Variants in RAPGEF1 observed in about 807,000 individuals in gnomAD.
RAPGEF1 encodes the protein Rap guanine nucleotide exchange factor 1.
Under a neutral mutation model 143.3 loss-of-function variants are expected in RAPGEF1, and 33 were observed. The ratio of observed to expected loss-of-function variants is 0.23; its 90% CI spans 0.17 to 0.31. The LOEUF (loss-of-function observed/expected upper bound fraction) is 0.31. Ranked by LOEUF, RAPGEF1 falls within the 10% of genes least tolerant of loss-of-function variation. The pLI is 1.00. For synonymous variants in RAPGEF1, 629 were observed against 676.5 expected, an observed-to-expected ratio of 0.93 and a Z score of 1.09; for missense variants, 1,199 against 1,645.4, an observed-to-expected ratio of 0.73 and a Z score of 4.69.
At chr9:131,625,627 G>T (rs1055756176) in intron 10 of RAPGEF1, among the ~76,000 whole-genome samples, 5 of 152,196 alleles carry the variant, frequency 3.3e-5, no homozygotes, top group African/African-American at 9.7e-5. Flanking sequence ...CTGTCACTGT[G>T]ATCAGGCCAG....
rs754241361 is a variant in RAPGEF1 at position 131,667,959 on chromosome 9, C to T, written c.62-17010G>A. Among the ~76,000 whole-genome samples the T allele has an allele frequency of 1.4e-4, 22 of 152,264 alleles. No individual in the cohort carries two copies. The Middle Eastern group carries it at 0.01, about 71-fold the overall frequency. On this transcript the variant is annotated intron_variant, in intron 1 of 26. Transcript: ENST00000683357. This position sits in a 1 kb window ranked among gnomAD's most constrained non-coding sequence, Gnocchi z 4.6. ...TAAATGTCATCTGTGGCCACCAGAC[C>T]GTTCAAAAATATACTCCTTTTTGGG...
Position 131,578,243 on chromosome 9 carries a change from C to T in RAPGEF1, c.*1254G>A, listed in dbSNP as rs962593061. On this transcript the variant is annotated 3_prime_UTR_variant, in exon 27 of 27. Coordinates refer to ENST00000683357, the MANE Select transcript of RAPGEF1 (RefSeq NM_001377935.1). ...TTGTCAAGCGCCCCACAAGCCTTGC[C>T]CAGATTGTCAAGCTCAGCAGCGAGA... 1 of 152,318 alleles carries T rather than the reference C, an allele frequency of 6.6e-6. No homozygotes were observed. The highest frequency in any genetic ancestry group is 2.4e-5 in the African/African-American group (1 of 41,462). 9.4% of individuals were successfully genotyped at this position (152,318 alleles called of 1,614,324 possible). A position where few individuals can be genotyped will look rare whatever the true frequency, so the allele number is the denominator to read the frequency against.
intron 1 of RAPGEF1, among the ~76,000 whole-genome samples, chr9:131,693,232 G>C (rs540058154): frequency 6.6e-6 from 1 of 152,126 alleles, no homozygotes; most frequent in Non-Finnish European, 1.5e-5. Context: ...TAATGATGAC[G>C]GAGTAGTGCT....
At chr9:131,728,244 G>C (rs1012780035) in intron 1 of RAPGEF1, among the ~76,000 whole-genome samples, 3 of 152,180 alleles carry the variant, frequency 2.0e-5, no homozygotes, top group Non-Finnish European at 4.4e-5. Flanking sequence ...AATGCAACTT[G>C]TAAGTTACTT....
intron 4 of RAPGEF1, among the ~76,000 whole-genome samples, chr9:131,642,121 T>A (rs534447162): frequency 1.3e-5 from 2 of 152,318 alleles, no homozygotes; most frequent in Admixed American, 1.3e-4. Context: ...TCATTTCAGA[T>A]TACATTTGGT....
intron 3 of RAPGEF1, among the ~76,000 whole-genome samples, chr9:131,647,368 C>G (rs1333140607): frequency 6.6e-6 from 1 of 152,196 alleles, no homozygotes; most frequent in Admixed American, 6.5e-5. Flanking sequence ...GTAAATAAGA[C>G]AGCATGTCTG....
intron 10 of RAPGEF1, among the ~76,000 whole-genome samples, chr9:131,622,645 T>G (rs886758990): frequency 6.6e-6 from 1 of 152,226 alleles, no homozygotes; most frequent in Non-Finnish European, 1.5e-5. Context: ...AATTTCTTAC[T>G]AGCTCCAACA....
intron 19 of RAPGEF1, among the ~76,000 whole-genome samples, chr9:131,589,469 C>T (rs1008453577): frequency 6.6e-5 from 10 of 152,242 alleles, no homozygotes; most frequent in African/African-American, 1.4e-4. Context: ...GATTTGTTAG[C>T]GGAACGGATA....
intron 1 of RAPGEF1, among the ~76,000 whole-genome samples, chr9:131,694,378 C>T (rs1476615720): frequency 6.6e-6 from 1 of 152,196 alleles, no homozygotes; most frequent in Non-Finnish European, 1.5e-5. Flanking sequence ...AGCTGAAGAG[C>T]TGAACAAATA....
Position 131,605,172 on chromosome 9 carries a change from C to G in RAPGEF1, c.2078G>C (p.Arg693Thr). ...AGGCACGAAATCCTGGGAGTAGGAC[C>G]TAAACACAGACTTATACTACAGAAT... ...LPVPSYKSVF[R>T]SYSQDFVPHH... The change falls in exon 13 of 27, where the codon AGG becomes ACG. Residue 693 changes from arginine to threonine, a missense_variant. Around this residue, in one of 6 missense-constraint regions of RAPGEF1, gnomAD observed 293 missense variants for 356.2 expected, o/e 0.82. Coordinates refer to ENST00000683357, the MANE Select transcript of RAPGEF1 (RefSeq NM_001377935.1). 1 of 1,354,592 alleles carries G rather than the reference C, an allele frequency of 7.4e-7. No individual in the cohort carries two copies. The highest frequency in any genetic ancestry group is 9.9e-7 in the Non-Finnish European group (1 of 1,015,130). 83.9% of individuals were successfully genotyped at this position (1,354,592 alleles called of 1,614,324 possible).
At chr9:131,618,692 G>A (rs1018792849) in intron 12 of RAPGEF1, among the ~76,000 whole-genome samples, 1 of 152,150 alleles carries the variant, frequency 6.6e-6, no homozygotes, top group Non-Finnish European at 1.5e-5. Context: ...GGGACTACAG[G>A]TGAGTGACAC....
At chr9:131,600,893 C>T (rs1207287645) in intron 15 of RAPGEF1, among the ~76,000 whole-genome samples, 5 of 152,144 alleles carry the variant, frequency 3.3e-5, no homozygotes, top group East Asian at 1.9e-4. Flanking sequence ...TCATGGCTCA[C>T]GCCTGTAATC....
At chr9:131,678,994 GAGC>G (rs1419397256) in intron 1 of RAPGEF1, among the ~76,000 whole-genome samples, 1 of 152,170 alleles carries the variant, frequency 6.6e-6, no homozygotes, top group East Asian at 1.9e-4. Context: ...AGGCCAGCAG[GAGC>G]AGGACAGATT....
intron 12 of RAPGEF1, among the ~76,000 whole-genome samples, chr9:131,617,691 C>T (rs1564536421): frequency 6.6e-6 from 1 of 152,314 alleles, no homozygotes; most frequent in East Asian, 1.9e-4. Context: ...AAGCTTACTA[C>T]ATACCTAGAC....
chr9:131,719,949 G>A (rs1054457574), intron 1 of RAPGEF1, among the ~76,000 whole-genome samples: 2 of 148,894 alleles, frequency 1.3e-5, no homozygotes, highest in African/African-American at 2.5e-5. Context: ...ACAGTGGCAC[G>A]ATCTCAGCTC....
chr9:131,601,698 G>C (rs1956301608), intron 15 of RAPGEF1, among the ~76,000 whole-genome samples: 1 of 152,152 alleles, frequency 6.6e-6, no homozygotes, highest in African/African-American at 2.4e-5. Flanking sequence ...TTGAAGCCAG[G>C]AGTTAGTGAC....
intron 1 of RAPGEF1, among the ~76,000 whole-genome samples, chr9:131,673,840 C>T (rs1373177249): frequency 2.0e-5 from 3 of 152,224 alleles, no homozygotes; most frequent in Admixed American, 6.5e-5. Flanking sequence ...CCATCATGTA[C>T]TCATCGTGGC....
intron 1 of RAPGEF1, among the ~76,000 whole-genome samples, chr9:131,654,121 A>G (rs1004973196): frequency 3.3e-5 from 5 of 152,162 alleles, no homozygotes; most frequent in African/African-American, 1.2e-4. Flanking sequence ...CTAAGACTGG[A>G]CGGGGCAGAG....
At chr9:131,729,416 G>T (rs550012355) in intron 1 of RAPGEF1, among the ~76,000 whole-genome samples, 1 of 152,332 alleles carries the variant, frequency 6.6e-6, no homozygotes, top group Non-Finnish European at 1.5e-5. Flanking sequence ...TCTGTGAAAG[G>T]TTTCTCCAAA....
Sources: allele counts gnomAD v4.1 joint callset (sites outside exome capture counted in the v4.1 genomes callset), GRCh38; gene constraint gnomAD v4.1.1; regional missense constraint gnomAD v4.1.1; non-coding constraint Gnocchi (gnomAD v3.1); transcripts MANE v1.5; gene names NCBI Gene and HGNC (gene_info 2026-07-23, HGNC 2026-07-21).